DNAJC6: variants seen among roughly 807,000 people sequenced by gnomAD.
DNAJC6 encodes the protein DnaJ heat shock protein family (Hsp40) member C6.
A neutral mutation model predicts 110.0 loss-of-function variants in DNAJC6; 34 were observed. The ratio of observed to expected loss-of-function variants is 0.31; its 90% confidence interval spans 0.24 to 0.41. The LOEUF is 0.41. DNAJC6 is among the 10% of genes least tolerant of loss of function. The probability of loss-of-function intolerance (pLI) is 1.00; values close to 1 mark genes in which losing one functional copy is unlikely to be tolerated. For synonymous variants in DNAJC6, 406 were observed against 437.2 expected (o/e 0.93, Z 0.89); for missense variants, 1,031 against 1,207.8 (o/e 0.85, Z 2.17).
At chr1:65,362,405 A>G (rs1557541968) in intron 1 of DNAJC6, among the ~76,000 whole-genome samples, 2 of 152,206 alleles carry the variant, frequency 1.3e-5, no homozygotes, top group Admixed American at 1.3e-4. Flanking sequence ...AATCTTATAT[A>G]TTGCAAGTTT....
chr1:65,394,576 C>T (rs1278148460), intron 12 of DNAJC6, among the ~76,000 whole-genome samples: 2 of 152,094 alleles, frequency 1.3e-5, no homozygotes, highest in Non-Finnish European at 2.9e-5. Flanking sequence ...TTTAAATGTA[C>T]TGAGTATGGT....
chr1:65,345,564 C>A, intron 1 of DNAJC6: 1 of 689,844 alleles, frequency 1.4e-6, no homozygotes, highest in Non-Finnish European at 1.8e-6. Context: ...TTAATCACAA[C>A]ACGCTAGTAC....
At position 65,266,853 on chromosome 1, in the gene DNAJC6, A is replaced by G. The variant is rs933630797; in HGVS notation, c.-131+1921A>G. Among the ~76,000 whole-genome samples the G allele has an allele frequency of 2.6e-5, 4 of 152,076 alleles. No individual in the cohort carries two copies. In the East Asian group the frequency reaches 5.8e-4, roughly 22 times the overall value. On this transcript the variant is annotated intron_variant, in intron 1 of 19. Transcript: ENST00000263441. ...TTTCTCAGTGTATCAGTGTGTTTTAAGCTCAGATCCCCAGCCTTTTTCTAA... is the reference window on the plus strand; with the variant it reads ...TTTCTCAGTGTATCAGTGTGTTTTAGGCTCAGATCCCCAGCCTTTTTCTAA...
At chr1:65,404,796 G>A (rs145979767) in intron 15 of DNAJC6, among the ~76,000 whole-genome samples, 99 of 152,278 alleles carry the variant, frequency 6.5e-4, no homozygotes, top group Admixed American at 1.3e-3. Context: ...ACATTTGGAG[G>A]TAGGATGCAC....
chr1:65,274,001 T>C (rs1037365793), intron 1 of DNAJC6, among the ~76,000 whole-genome samples: 12 of 152,200 alleles, frequency 7.9e-5, no homozygotes, highest in Non-Finnish European at 1.8e-4. Context: ...GAGGTGCGGA[T>C]CTTCTGTATC....
At chr1:65,381,777 C>T (rs1645824734) in intron 5 of DNAJC6, among the ~76,000 whole-genome samples, 1 of 152,062 alleles carries the variant, frequency 6.6e-6, no homozygotes, top group South Asian at 2.1e-4. Flanking sequence ...TTTCTTGAAG[C>T]ATGTGGTATA....
chr1:65,344,757 A>G (rs1373491914), intron 1 of DNAJC6, among the ~76,000 whole-genome samples: 1 of 152,154 alleles, frequency 6.6e-6, no homozygotes, highest in African/African-American at 2.4e-5. Flanking sequence ...TTGGAGCATA[A>G]TTAAGCCAGA....
At chr1:65,321,410 C>T (rs986847925) in intron 1 of DNAJC6, among the ~76,000 whole-genome samples, 1 of 85,044 alleles carries the variant, frequency 1.2e-5, no homozygotes. Flanking sequence ...CTATGTTGCC[C>T]AGGACGGTCT....
intron 1 of DNAJC6, among the ~76,000 whole-genome samples, chr1:65,292,522 C>G (rs1018452719): frequency 1.3e-5 from 2 of 151,934 alleles, no homozygotes; most frequent in South Asian, 2.1e-4. Context: ...CTTCGACTTC[C>G]TGGGCTCAAG....
Position 65,384,231 on chromosome 1 carries a change from G to A in DNAJC6, c.705G>A (p.Met235Ile), listed in dbSNP as rs760563343. The A allele has an allele frequency of 1.9e-6, 3 of 1,575,720 alleles. No individual in the cohort carries two copies. The highest frequency in any genetic ancestry group is 2.6e-6 in the Non-Finnish European group (3 of 1,163,678). ...RAASSILVGA[M>I]FIFCNLYSTP... ...CATCATCAATTCTGGTTGGTGCTATGTTCATTTTCTGTAATCTCTACTCTA... is the reference window on the plus strand; with the variant it reads ...CATCATCAATTCTGGTTGGTGCTATATTCATTTTCTGTAATCTCTACTCTA... Residue 235 changes from methionine (M) to isoleucine (I), a missense_variant, in exon 6 of 19, where the codon ATG becomes ATA. Transcript: ENST00000371069.
At chr1:65,309,296 A>G (rs1570257559), upstream of DNAJC6, among the ~76,000 whole-genome samples, 1 of 119,128 alleles carries the variant, frequency 8.4e-6, no homozygotes. Context: ...CTCCTCACGA[A>G]CCTCCCCTCC....
In DNAJC6 at chr1:65,388,341, C is replaced by T. The variant is rs768368688; in HGVS notation, c.1119C>T (p.Thr373=). 1 of 1,613,670 alleles carries T rather than the reference C, an allele frequency of 6.2e-7. No individual in the cohort carries two copies. Among genetic ancestry groups the T allele is most frequent in the Non-Finnish European group, 8.5e-7 (1 of 1,179,740 alleles). Residue 373 remains threonine, a synonymous_variant, in exon 9 of 19, where the codon ACC becomes ACT. Coordinates refer to ENST00000371069, the MANE Select transcript of DNAJC6 (RefSeq NM_001256864.2). The stretch of plus-strand genomic sequence containing the variant: ...CTTCTCTCATGTATTTTTAGGTGAC[C>T]AACACACAGATATTCCAGCTTCAGT... The part of the protein sequence containing the change: ...TIGSRLQAKV[T]NTQIFQLQFH...
chr1:65,347,887 T>A (rs1004603055), intron 1 of DNAJC6, among the ~76,000 whole-genome samples: 3 of 152,210 alleles, frequency 2.0e-5, no homozygotes, highest in Admixed American at 6.5e-5. Context: ...TGTAAGAAGT[T>A]TTTAACATGA....
chr1:65,271,821 A>G (rs1196919611), intron 1 of DNAJC6, among the ~76,000 whole-genome samples: 1 of 151,340 alleles, frequency 6.6e-6, no homozygotes, highest in Non-Finnish European at 1.5e-5. Context: ...GTGAGCCAAG[A>G]TCACACCACT....
chr1:65,399,436 G>C (rs1646009507), intron 14 of DNAJC6, among the ~76,000 whole-genome samples: 2 of 152,142 alleles, frequency 1.3e-5, no homozygotes, highest in African/African-American at 4.8e-5. Context: ...TCCTGACATT[G>C]AGCAAGTTAA....
intron 7 of DNAJC6, 122 bp from the exon 8 acceptor site, chr1:65,386,690 T>G: frequency 1.3e-6 from 1 of 796,750 alleles, no homozygotes; most frequent in South Asian, 1.7e-5. Context: ...AGGAAATAGT[T>G]TCTGGGTCCG....
rs200765318 is a variant in DNAJC6, at chr1:65,302,097, T to C, written c.-131+37165T>C. On this transcript the variant is annotated intron_variant, in intron 1 of 19. Transcript: ENST00000263441. ...TAATACGTATTATATATATTATATATATAATATATAATATATATATATATA... is the reference window on the plus strand; with the variant it reads ...TAATACGTATTATATATATTATATACATAATATATAATATATATATATATA... 9.5e-3 allele frequency among the ~76,000 whole-genome samples: 285 copies of C among 30,054 alleles called. 7 individuals carry two copies. The East Asian group carries it at 0.27, about 28-fold the overall frequency. The allele number at this position is 30,054 out of a possible 152,430, so 19.7% of individuals were successfully genotyped here.
chr1:65,288,728 A>G (rs1055693934), intron 1 of DNAJC6, among the ~76,000 whole-genome samples: 1 of 152,100 alleles, frequency 6.6e-6, no homozygotes, highest in Non-Finnish European at 1.5e-5. Context: ...TACACTGTAG[A>G]TTCATTTTGT....
chr1:65,356,665 AAT>A (rs1489790528), intron 1 of DNAJC6, among the ~76,000 whole-genome samples: 1 of 152,100 alleles, frequency 6.6e-6, no homozygotes, highest in African/African-American at 2.4e-5. Flanking sequence ...TAAAAATCAC[AAT>A]GTCATGCGTG....
Sources: allele counts gnomAD v4.1 joint callset (sites outside exome capture counted in the v4.1 genomes callset), GRCh38; gene constraint gnomAD v4.1.1; transcripts MANE v1.5; gene names NCBI Gene and HGNC (gene_info 2026-07-23, HGNC 2026-07-21).